NFIC: variants seen among roughly 807,000 people sequenced by gnomAD.
The protein encoded by NFIC is nuclear factor I C.
NFIC carries 12 observed loss-of-function variants against 54.4 expected under a neutral mutation model. That is an observed-to-expected ratio of 0.22 (90% CI 0.14 to 0.36). The LOEUF (loss-of-function observed/expected upper bound fraction) is 0.36. Among genes scored for constraint, NFIC ranks in the 10% least tolerant of loss-of-function variants. The pLI is 1.00. For missense variants in NFIC, 575 were observed against 718.2 expected, an observed-to-expected ratio of 0.80 and a Z score of 2.28; for synonymous variants, 322 against 319.2, an observed-to-expected ratio of 1.01 and a Z score of -0.09.
At chr19:3,363,265 A>T (rs1415047947), upstream of NFIC, among the ~76,000 whole-genome samples, 2,794 of 46,968 alleles carry the variant, frequency 0.059, 89 homozygotes, top group Non-Finnish European at 0.074. Flanking sequence ...ATATATATAT[A>T]TATATTTTTT....
chr19:3,411,421 G>A lies in NFIC; in HGVS notation c.563-13685G>A, dbSNP rs532988383. Among the ~76,000 whole-genome samples the A allele has an allele frequency of 2.3e-4, 33 of 142,412 alleles. No homozygotes were observed. In the South Asian group the frequency reaches 6.6e-3, roughly 29 times the overall value. The allele number at this position is 142,412 out of a possible 152,430, so 93.4% of individuals were successfully genotyped here. On this transcript the variant is annotated intron_variant, in intron 2 of 10. Coordinates refer to ENST00000443272, the MANE Select transcript of NFIC (RefSeq NM_001245002.2). ...CGGTTCACTGCAACCTCTGTCTCCC[G>A]GGTTCAAGCAATTCTCCTTCCTCAG...
intron 2 of NFIC, among the ~76,000 whole-genome samples, chr19:3,385,207 C>T (rs1232690517): frequency 6.6e-6 from 1 of 151,412 alleles, no homozygotes; most frequent in Non-Finnish European, 1.5e-5. Flanking sequence ...GCACACCCCC[C>T]CCCAACCCTC....
chr19:3,380,062 G>T (rs1452245588), intron 1 of NFIC, among the ~76,000 whole-genome samples: 3 of 150,392 alleles, frequency 2.0e-5, no homozygotes, highest in Non-Finnish European at 4.4e-5. Context: ...GTGCAGTGGC[G>T]CAATCTCGGC....
At chr19:3,376,192 G>A (rs1252247123) in intron 1 of NFIC, among the ~76,000 whole-genome samples, 2 of 152,036 alleles carry the variant, frequency 1.3e-5, no homozygotes, top group East Asian at 3.9e-4. Flanking sequence ...ATCTTAGAGG[G>A]GCCGAGGCGG....
chr19:3,398,921 G>A (rs1481660132), intron 2 of NFIC, among the ~76,000 whole-genome samples: 1 of 152,264 alleles, frequency 6.6e-6, no homozygotes, highest in East Asian at 1.9e-4. Context: ...CCCTCAGCAA[G>A]GCCGCCATTA....
chr19:3,404,144 C>T (rs931292528), intron 2 of NFIC, among the ~76,000 whole-genome samples: 3 of 152,144 alleles, frequency 2.0e-5, no homozygotes, highest in African/African-American at 4.8e-5. Flanking sequence ...TTCTCCCCCC[C>T]CCGTCACAGC....
intron 2 of NFIC, among the ~76,000 whole-genome samples, chr19:3,383,803 C>T (rs2081250463): frequency 6.6e-6 from 1 of 152,228 alleles, no homozygotes; most frequent in Non-Finnish European, 1.5e-5. Flanking sequence ...GGCAGTTGCA[C>T]AGCCTGAGAG....
At chr19:3,426,930 T>C (rs564022289) in intron 3 of NFIC, among the ~76,000 whole-genome samples, 19 of 150,718 alleles carry the variant, frequency 1.3e-4, no homozygotes, top group African/African-American at 4.6e-4. Flanking sequence ...TCAATCTTTT[T>C]TTTTTTTTTT....
chr19:3,435,587 T>C (rs370760930), intron 6 of NFIC, among the ~76,000 whole-genome samples: 6 of 152,102 alleles, frequency 3.9e-5, no homozygotes, highest in Admixed American at 6.5e-5. Flanking sequence ...GGACCCTGTT[T>C]GTCCTCTTCC....
chr19:3,416,051 T>A (rs895118460), intron 2 of NFIC, among the ~76,000 whole-genome samples: 1 of 151,396 alleles, frequency 6.6e-6, no homozygotes, highest in Non-Finnish European at 1.5e-5. Flanking sequence ...TAGCCCCGGC[T>A]ACTTGGGAAA....
At chr19:3,433,907 C>A (rs1344739752) in intron 4 of NFIC, among the ~76,000 whole-genome samples, 1 of 152,126 alleles carries the variant, frequency 6.6e-6, no homozygotes, top group Non-Finnish European at 1.5e-5. Flanking sequence ...CCCCTCCTGT[C>A]CCCTTGCTTT....
chr19:3,363,223 A>G (rs1215721854), upstream of NFIC, among the ~76,000 whole-genome samples: 1 of 55,580 alleles, frequency 1.8e-5, no homozygotes, highest in African/African-American at 7.3e-5. Context: ...ACATATGTAT[A>G]TGTATGTGTA....
chr19:3,432,428 G>C (rs1441135828), intron 3 of NFIC, among the ~76,000 whole-genome samples: 1 of 152,166 alleles, frequency 6.6e-6, no homozygotes, highest in African/African-American at 2.4e-5. Context: ...GGACCTCCCA[G>C]TCTGAAGGGG....
chr19:3,396,913 G>A (rs527425074), intron 2 of NFIC, among the ~76,000 whole-genome samples: 66 of 152,112 alleles, frequency 4.3e-4, no homozygotes, highest in Non-Finnish European at 8.5e-4. Flanking sequence ...CTGAGATCGC[G>A]CCATTGCACT....
chr19:3,416,234 C>A (rs2081852190), intron 2 of NFIC, among the ~76,000 whole-genome samples: 1 of 149,728 alleles, frequency 6.7e-6, no homozygotes, highest in South Asian at 2.1e-4. Context: ...TTTCCCTAAT[C>A]ACTCTCCTGT....
At chr19:3,382,774 A>T (rs2081234846) in intron 2 of NFIC, among the ~76,000 whole-genome samples, 1 of 150,466 alleles carries the variant, frequency 6.6e-6, no homozygotes, top group Non-Finnish European at 1.5e-5. Flanking sequence ...CTGAGGGGGG[A>T]GGCAGGCCTA....
At chr19:3,429,191 A>G (rs2082077919) in intron 3 of NFIC, among the ~76,000 whole-genome samples, 1 of 130,162 alleles carries the variant, frequency 7.7e-6, no homozygotes, top group African/African-American at 3.0e-5. Flanking sequence ...CAGGAGTTCA[A>G]GACCAGCCTG....
chr19:3,362,741 T>TG (rs1231445592), upstream of NFIC, among the ~76,000 whole-genome samples: 1 of 152,128 alleles, frequency 6.6e-6, no homozygotes, highest in Non-Finnish European at 1.5e-5. Context: ...TGGGACCACA[T>TG]GGGACCCTTG....
intron 2 of NFIC, among the ~76,000 whole-genome samples, chr19:3,413,662 T>G (rs1292483238): frequency 6.6e-6 from 1 of 152,128 alleles, no homozygotes; most frequent in Admixed American, 6.6e-5. Flanking sequence ...TTTTTTGAGA[T>G]GGAGTCTCGC....
Sources: allele counts gnomAD v4.1 joint callset (sites outside exome capture counted in the v4.1 genomes callset), GRCh38; gene constraint gnomAD v4.1.1; transcripts MANE v1.5; gene names NCBI Gene and HGNC (gene_info 2026-07-23, HGNC 2026-07-21).